MAGI3: variants seen among roughly 807,000 people sequenced by gnomAD.
MAGI3 encodes membrane-associated guanylate kinase, WW and PDZ domain-containing protein 3.
In MAGI3, 43 loss-of-function variants were observed where a neutral mutation model predicts 121.8. The ratio of observed to expected loss-of-function variants is 0.35; its 90% CI spans 0.28 to 0.46. MAGI3 has a LOEUF of 0.46. MAGI3 is among the 20% of genes least tolerant of loss of function. MAGI3 has a pLI of 1.00. For missense variants in MAGI3, 1,547 were observed against 1,797.3 expected (o/e 0.86, Z 2.52); for synonymous variants, 553 against 639.3 (o/e 0.86, Z 2.04).
chr1:113,539,381 G>C (rs1220405296), intron 1 of MAGI3, among the ~76,000 whole-genome samples: 1 of 147,938 alleles, frequency 6.8e-6, no homozygotes, highest in East Asian at 2.0e-4. Context: ...GACAGAGAGA[G>C]ACTCCGTCTC....
intron 4 of MAGI3, 26 bp downstream of exon 4, chr1:113,585,622 A>G (rs764158514): frequency 3.8e-6 from 6 of 1,571,434 alleles, no homozygotes; most frequent in South Asian, 2.3e-5. Flanking sequence ...AACAACTTCT[A>G]ACTGATCTTC....
chr1:113,405,376 G>A (rs1651618390), intron 1 of MAGI3, among the ~76,000 whole-genome samples: 1 of 149,574 alleles, frequency 6.7e-6, no homozygotes, highest in Non-Finnish European at 1.5e-5. Context: ...CTACTTGGGA[G>A]GCTAAAGTGG....
At chr1:113,420,482 G>C (rs1652683152) in intron 1 of MAGI3, among the ~76,000 whole-genome samples, 1 of 152,168 alleles carries the variant, frequency 6.6e-6, no homozygotes, top group East Asian at 1.9e-4. Flanking sequence ...GTTTGATGAA[G>C]TTCTTTTGGG....
chr1:113,407,522 C>T (rs1355942217), intron 1 of MAGI3, among the ~76,000 whole-genome samples: 1 of 151,312 alleles, frequency 6.6e-6, no homozygotes, highest in Admixed American at 6.6e-5. Context: ...TAACTTTTTA[C>T]TGTACTTGCT....
At chr1:113,604,643 C>A (rs1462609026) in intron 6 of MAGI3, among the ~76,000 whole-genome samples, 4 of 147,968 alleles carry the variant, frequency 2.7e-5, no homozygotes, top group African/African-American at 1.0e-4. Flanking sequence ...TACTACCCAG[C>A]CATGAAAAAG....
At chr1:113,496,853 A>G (rs1388185909) in intron 1 of MAGI3, among the ~76,000 whole-genome samples, 1 of 152,226 alleles carries the variant, frequency 6.6e-6, no homozygotes, top group Non-Finnish European at 1.5e-5. Flanking sequence ...TCTAGGCCAC[A>G]TTAGCCTTCA....
intron 6 of MAGI3, among the ~76,000 whole-genome samples, chr1:113,604,614 G>GTA (rs1307713506): frequency 9.0e-5 from 13 of 144,888 alleles, no homozygotes; most frequent in South Asian, 2.2e-4. Flanking sequence ...AGAAAATGTG[G>GTA]TATATATATA....
At chr1:113,614,500 C>T (rs1310488015) in intron 6 of MAGI3, 101 bp from the exon 7 acceptor site, 2 of 904,310 alleles carry the variant, frequency 2.2e-6, no homozygotes, top group South Asian at 1.4e-5. Context: ...AGCTTTCTGA[C>T]ACCCAAATAT....
At chr1:113,546,956 GC>G (rs1557815623) in intron 1 of MAGI3, among the ~76,000 whole-genome samples, 1 of 151,728 alleles carries the variant, frequency 6.6e-6, no homozygotes, top group East Asian at 2.0e-4. Context: ...GGTGGCGGGC[GC>G]CTGTAGTCCC....
At chr1:113,496,243 T>C (rs1361952987) in intron 1 of MAGI3, among the ~76,000 whole-genome samples, 2 of 152,232 alleles carry the variant, frequency 1.3e-5, no homozygotes, top group Non-Finnish European at 2.9e-5. Flanking sequence ...ACTTAGATTT[T>C]AAATTTGCTG....
At chr1:113,475,383 A>G (rs1655763502) in intron 1 of MAGI3, among the ~76,000 whole-genome samples, 1 of 152,174 alleles carries the variant, frequency 6.6e-6, no homozygotes, top group Non-Finnish European at 1.5e-5. Flanking sequence ...TTTGTTATAA[A>G]TAGATCTTAT....
intron 1 of MAGI3, among the ~76,000 whole-genome samples, chr1:113,505,348 A>T (rs565459435): frequency 7.9e-4 from 120 of 152,200 alleles, no homozygotes; most frequent in Non-Finnish European, 1.2e-3. Context: ...GCTCAGCAAT[A>T]GGTTTTGTAA....
chr1:113,529,537 C>T (rs1658610116), intron 1 of MAGI3, among the ~76,000 whole-genome samples: 1 of 152,162 alleles, frequency 6.6e-6, no homozygotes, highest in African/African-American at 2.4e-5. Context: ...TACCATTACA[C>T]TGGGGGTTAG....
rs1247344111 is a variant in MAGI3 at position 113,651,158 on chromosome 1, C to G, written c.2392C>G (p.Arg798Gly). The G allele has an allele frequency of 6.2e-7, 1 of 1,613,732 alleles. No individual in the cohort carries two copies. Among genetic ancestry groups the G allele is most frequent in the Non-Finnish European group, 8.5e-7 (1 of 1,179,976 alleles). ...QVLDLMTTAA[R>G]NGHVLLTVRR... is the part of the protein sequence containing the mutation. ...CTTGGACCTCATGACAACTGCTGCTCGAAATGGCCATGTGTTACTAACTGT... is the reference window on the plus strand; with the variant it reads ...CTTGGACCTCATGACAACTGCTGCTGGAAATGGCCATGTGTTACTAACTGT... Residue 798 changes from arginine (R) to glycine (G), a missense_variant, in exon 14 of 21, where the codon CGA becomes GGA. Coordinates refer to ENST00000307546, the MANE Select transcript of MAGI3 (RefSeq NM_001142782.2).
At chr1:113,592,649 A>G (rs1334504148) in intron 5 of MAGI3, among the ~76,000 whole-genome samples, 1 of 152,150 alleles carries the variant, frequency 6.6e-6, no homozygotes, top group Non-Finnish European at 1.5e-5. Flanking sequence ...CTCTAATAGC[A>G]TGAGTAATAT....
chr1:113,650,739 G>T (rs1210914969), intron 13 of MAGI3, among the ~76,000 whole-genome samples: 6 of 152,146 alleles, frequency 3.9e-5, no homozygotes, highest in Admixed American at 6.5e-5. Context: ...AGGGATAATG[G>T]TTGTGCTTTT....
At chr1:113,607,407 C>T (rs1201391807) in intron 6 of MAGI3, among the ~76,000 whole-genome samples, 3 of 152,068 alleles carry the variant, frequency 2.0e-5, no homozygotes, top group Non-Finnish European at 2.9e-5. Flanking sequence ...GATTTATAGA[C>T]TAGTTATATA....
rs1557744148 is a variant in MAGI3, at chr1:113,416,210, T to TTAATTATGTAATTAATGACACA, written c.316+24863_316+24864insATTATGTAATTAATGACACATA. 3.5e-4 allele frequency among the ~76,000 whole-genome samples: 28 copies of TTAATTATGTAATTAATGACACA among 80,974 alleles called. 3 individuals carry two copies. Among genetic ancestry groups the TTAATTATGTAATTAATGACACA allele is most frequent in the African/African-American group, 6.1e-4 (19 of 30,896 alleles). 53.1% of individuals were successfully genotyped at this position (80,974 alleles called of 152,430 possible). ...TTAATTATGTAATTAATGACACATA[T>TTAATTATGTAATTAATGACACA]TATTATGTGTAATTAATGACACATA... On this transcript the variant is annotated intron_variant, in intron 1 of 20. Coordinates refer to ENST00000307546, the MANE Select transcript of MAGI3 (RefSeq NM_001142782.2).
chr1:113,612,089 G>A (rs570568720), intron 6 of MAGI3, among the ~76,000 whole-genome samples: 21 of 152,038 alleles, frequency 1.4e-4, no homozygotes, highest in Non-Finnish European at 2.2e-4. Flanking sequence ...GACTACAGGC[G>A]TGCACCACCA....
Sources: allele counts gnomAD v4.1 joint callset (sites outside exome capture counted in the v4.1 genomes callset), GRCh38; gene constraint gnomAD v4.1.1; transcripts MANE v1.5; gene names NCBI Gene and HGNC (gene_info 2026-07-23, HGNC 2026-07-21).